PIEZO2: variants seen among roughly 807,000 people sequenced by gnomAD.
PIEZO2 encodes the protein piezo type mechanosensitive ion channel component 2, also known as piezo-type mechanosensitive ion channel component 2.
PIEZO2 carries 172 observed loss-of-function variants against 337.3 expected under a neutral mutation model. The observed-to-expected ratio is 0.51, with a 90% CI of 0.45 to 0.58. The LOEUF is 0.58. Among genes scored for constraint, PIEZO2 ranks in the 20% least tolerant of loss-of-function variants. The probability of loss-of-function intolerance (pLI) is 0.00; values close to 1 mark genes in which losing one functional copy is unlikely to be tolerated. For synonymous variants in PIEZO2, 1,251 were observed against 1,228.5 expected (o/e 1.02, Z -0.38); for missense variants, 3,028 against 3,391.3 (o/e 0.89, Z 2.66).
At chr18:11,020,672 A>T (rs937976083) in intron 2 of PIEZO2, among the ~76,000 whole-genome samples, 74 of 152,202 alleles carry the variant, frequency 4.9e-4, no homozygotes, top group African/African-American at 1.6e-3. Context: ...ACCACTAAAT[A>T]GAAGTTAAGT....
chr18:10,718,607 G>A (rs1411397117), intron 36 of PIEZO2, among the ~76,000 whole-genome samples: 2 of 152,186 alleles, frequency 1.3e-5, no homozygotes, highest in Admixed American at 6.5e-5. Context: ...TGAAAATTAT[G>A]TGAAATTAAC....
At chr18:11,073,823 C>G (rs10853193) in intron 1 of PIEZO2, among the ~76,000 whole-genome samples, 77,610 of 150,094 alleles carry the variant, frequency 0.52, 22,020 homozygotes, top group East Asian at 0.97. Context: ...AAGCTAGAAA[C>G]GACTTAGAAG....
chr18:11,068,135 T>C (rs2038212038), intron 1 of PIEZO2, among the ~76,000 whole-genome samples: 2 of 152,178 alleles, frequency 1.3e-5, no homozygotes, highest in Non-Finnish European at 2.9e-5. Flanking sequence ...TTAGCCAGGA[T>C]GGTCTCAATC....
At position 10,997,130 on chromosome 18, in the gene PIEZO2, C is replaced by A. The variant is rs552729435; in HGVS notation, c.161-17470G>T. 5.7e-4 allele frequency among the ~76,000 whole-genome samples: 87 copies of A among 151,478 alleles called. 1 individual carries two copies. The highest frequency in any genetic ancestry group is 2.0e-3 in the African/African-American group (81 of 41,266). On this transcript the variant is annotated intron_variant, in intron 2 of 55. Transcript: ENST00000674853. ...AACTGATAATTGAACGGTGCATGTTCAAGAGAGACCCAAATGTTATGGCAA... is the reference window on the plus strand; with the variant it reads ...AACTGATAATTGAACGGTGCATGTTAAAGAGAGACCCAAATGTTATGGCAA...
chr18:11,007,018 TG>T (rs1449643020), intron 2 of PIEZO2, among the ~76,000 whole-genome samples: 8 of 152,222 alleles, frequency 5.3e-5, no homozygotes, highest in Admixed American at 3.9e-4. Flanking sequence ...ATTAATTCTT[TG>T]AATTGGGAAC....
At chr18:11,010,939 GTTAGA>G (rs1350577628) in intron 2 of PIEZO2, among the ~76,000 whole-genome samples, 2 of 152,234 alleles carry the variant, frequency 1.3e-5, no homozygotes, top group Non-Finnish European at 2.9e-5. Context: ...CTTGCTAAAT[GTTAGA>G]TTAGTTTTTC....
intron 48 of PIEZO2, 55 bp downstream of exon 48, chr18:10,691,170 C>A: frequency 1.3e-6 from 2 of 1,560,292 alleles, no homozygotes; most frequent in South Asian, 1.2e-5. Context: ...ATCAAAATGC[C>A]TTTCCACCGC....
At chr18:11,067,207 G>A (rs140709288) in intron 1 of PIEZO2, among the ~76,000 whole-genome samples, 16 of 152,086 alleles carry the variant, frequency 1.1e-4, no homozygotes, top group African/African-American at 3.4e-4. Flanking sequence ...TATACTATTA[G>A]GTGATGGTTA....
chr18:10,770,319 G>A lies in PIEZO2; in HGVS notation c.2786-11C>T, dbSNP rs1195235575. On this transcript the variant is annotated splice_polypyrimidine_tract_variant and intron_variant, in intron 20 of 55. Transcript: ENST00000674853. ...ATTTGTTCCTTAAGTCTGCAAAATA[G>A]GAAGTACAGACAAGAGCATAACATT... The A allele has an allele frequency of 2.0e-6, 3 of 1,533,424 alleles. No individual in the cohort carries two copies. The highest frequency in any genetic ancestry group is 4.0e-5 in the Admixed American group (2 of 50,330). The allele number at this position is 1,533,424 out of a possible 1,614,324, so 95.0% of individuals were successfully genotyped here. A position where few individuals can be genotyped will look rare whatever the true frequency, so the allele number is the denominator to read the frequency against.
chr18:10,934,290 A>G (rs950273559), intron 3 of PIEZO2, among the ~76,000 whole-genome samples: 11 of 152,220 alleles, frequency 7.2e-5, no homozygotes, highest in African/African-American at 2.7e-4. Context: ...AAGGGCAGGC[A>G]TTGTGAGGCT....
At chr18:11,014,948 C>CGT (rs2036058043) in intron 2 of PIEZO2, among the ~76,000 whole-genome samples, 2 of 58,354 alleles carry the variant, frequency 3.4e-5, no homozygotes, top group Non-Finnish European at 7.1e-5. Context: ...CATTCCTCAG[C>CGT]GGGGAACATG....
chr18:10,769,273 G>A (rs371423815), intron 21 of PIEZO2, among the ~76,000 whole-genome samples: 1 of 152,260 alleles, frequency 6.6e-6, no homozygotes, highest in South Asian at 2.1e-4. Context: ...CACGAATCTC[G>A]CAGATAGAAT....
Position 11,143,631 on chromosome 18 carries a change from ACACACACACTCTCTCTCTCT to A in PIEZO2, c.64+4874_64+4893del, listed in dbSNP as rs1300706046. 6.3e-5 allele frequency among the ~76,000 whole-genome samples: 4 copies of A among 63,874 alleles called. No individual in the cohort carries two copies. The highest frequency in any genetic ancestry group is 3.5e-4 in the African/African-American group (4 of 11,464). 41.9% of individuals were successfully genotyped at this position (63,874 alleles called of 152,430 possible). A position where few individuals can be genotyped will look rare whatever the true frequency, so the allele number is the denominator to read the frequency against. ...CACACACACACACACACACACACAC[ACACACACACTCTCTCTCTCT>A]CTCTCTCTCTCTCTCTCTCTCACTC... On this transcript the variant is annotated intron_variant, in intron 1 of 55. Transcript: ENST00000674853. The surrounding 1 kb of genome is among the most constrained non-coding windows in gnomAD (Gnocchi z 4.9).
Position 10,979,215 on chromosome 18 carries a change from G to A in PIEZO2, c.286+320C>T, listed in dbSNP as rs533956652. Among the ~76,000 whole-genome samples the A allele has an allele frequency of 2.0e-4, 28 of 141,636 alleles. No homozygotes were observed. The highest frequency in any genetic ancestry group is 8.6e-4 in the Admixed American group (12 of 14,028). The allele number at this position is 141,636 out of a possible 152,430, so 92.9% of individuals were successfully genotyped here. A position where few individuals can be genotyped will look rare whatever the true frequency, so the allele number is the denominator to read the frequency against. ...ATTGTACCTTTTTTTTTTTTTACTC[G>A]CTGTAATGAAAGCTCCAAGGGCTGT... is the stretch of plus-strand genomic sequence containing the variant. On this transcript the variant is annotated intron_variant, in intron 3 of 55. Transcript: ENST00000674853. The surrounding 1 kb of genome is among the most constrained non-coding windows in gnomAD (Gnocchi z 4.0).
At chr18:10,896,666 C>T (rs1309717776) in intron 4 of PIEZO2, among the ~76,000 whole-genome samples, 2 of 152,154 alleles carry the variant, frequency 1.3e-5, no homozygotes, top group African/African-American at 2.4e-5. Context: ...TTGCTGCCTC[C>T]CTGTGCTACT....
chr18:11,147,792 T>G lies in PIEZO2; in HGVS notation c.64+733A>C, dbSNP rs908513665. Among the ~76,000 whole-genome samples, 40 of 152,362 alleles carry G rather than the reference T, an allele frequency of 2.6e-4. 1 individual carries two copies. The highest frequency in any genetic ancestry group is 2.1e-3 in the Admixed American group (32 of 15,310). Reference sequence around the variant, plus strand: ...TCCTGGGGAAACGGTGCAACGCTTGTCTGGGCGTCGAGGAGGCTCCCTTGC... The same window carrying G: ...TCCTGGGGAAACGGTGCAACGCTTGGCTGGGCGTCGAGGAGGCTCCCTTGC... On this transcript the variant is annotated intron_variant, in intron 1 of 55. Coordinates refer to ENST00000674853, the MANE Select transcript of PIEZO2 (RefSeq NM_001378183.1).
In PIEZO2 at chr18:10,899,569, G is replaced by A. The variant is rs144465605; in HGVS notation, c.329+11617C>T. Among the ~76,000 whole-genome samples, 311 of 152,258 alleles carry A rather than the reference G, an allele frequency of 2.0e-3. No homozygotes were observed. Among genetic ancestry groups the A allele is most frequent in the Admixed American group, 3.5e-3 (54 of 15,292 alleles). On this transcript the variant is annotated intron_variant, in intron 4 of 55. Transcript: ENST00000674853. This position sits in a 1 kb window ranked among gnomAD's most constrained non-coding sequence, Gnocchi z 4.6. ...CAGAGAGCTAATTTCAGACTTGCAC[G>A]TAGGATGCAGAACAAATAAGAAATA...
chr18:10,675,952 C>G (rs994761980), intron 53 of PIEZO2, among the ~76,000 whole-genome samples: 2 of 152,198 alleles, frequency 1.3e-5, no homozygotes, highest in African/African-American at 4.8e-5. Context: ...GATTGTGAGG[C>G]CTCCCCAGCC....
chr18:10,785,107 G>A (rs971460220), intron 16 of PIEZO2, 150 bp from the exon 17 acceptor site: 7 of 771,696 alleles, frequency 9.1e-6, no homozygotes, highest in African/African-American at 7.0e-5. Flanking sequence ...TATGGCTTTC[G>A]TTTCCACCAA....
Sources: allele counts gnomAD v4.1 joint callset (sites outside exome capture counted in the v4.1 genomes callset), GRCh38; gene constraint gnomAD v4.1.1; non-coding constraint Gnocchi (gnomAD v3.1); transcripts MANE v1.5; gene names NCBI Gene and HGNC (gene_info 2026-07-23, HGNC 2026-07-21).